Variants in IQGAP2 observed in about 807,000 individuals in gnomAD.
The protein encoded by IQGAP2 is IQ motif containing GTPase activating protein 2.
IQGAP2 carries 173 observed loss-of-function variants against 201.3 expected under a neutral mutation model. The ratio of observed to expected loss-of-function variants is 0.86; its 90% CI spans 0.76 to 0.98. The LOEUF is 0.98. Ranked by LOEUF, IQGAP2 falls within the 50% of genes least tolerant of loss-of-function variation. The probability of loss-of-function intolerance (pLI) is 0.00; values close to 1 mark genes in which losing one functional copy is unlikely to be tolerated. For missense variants in IQGAP2, 1,687 were observed against 1,864.8 expected, an observed-to-expected ratio of 0.90 and a Z score of 1.76; for synonymous variants, 675 against 673.9, an observed-to-expected ratio of 1.00 and a Z score of -0.03.
At chr5:76,593,467 G>A (rs1222259858) in intron 9 of IQGAP2, among the ~76,000 whole-genome samples, 1 of 152,110 alleles carries the variant, frequency 6.6e-6, no homozygotes, top group East Asian at 1.9e-4. Flanking sequence ...AGCCTCTGTG[G>A]AGTCAAGCAG....
At chr5:76,543,413 A>G (rs1226484684) in intron 2 of IQGAP2, among the ~76,000 whole-genome samples, 2 of 152,196 alleles carry the variant, frequency 1.3e-5, no homozygotes, top group African/African-American at 2.4e-5. Flanking sequence ...GGAGGGACGT[A>G]AATGTGCAAG....
At chr5:76,410,337 A>T (rs1751041210) in intron 1 of IQGAP2, among the ~76,000 whole-genome samples, 1 of 152,158 alleles carries the variant, frequency 6.6e-6, no homozygotes, top group Admixed American at 6.6e-5. Context: ...GGACAATTGG[A>T]GCTGTCCTGA....
intron 15 of IQGAP2, among the ~76,000 whole-genome samples, chr5:76,632,654 T>C (rs926083523): frequency 6.6e-6 from 1 of 152,176 alleles, no homozygotes; most frequent in African/African-American, 2.4e-5. Context: ...CTTTAGTAGA[T>C]TTTTATTAAG....
In IQGAP2 at chr5:76,617,609, AT is replaced by A. The variant is rs1161780070; in HGVS notation, c.1521+6429del. ...ATTTTGTAAGGTAAGCAGTGGAGTG[AT>A]TTCTGGTTTTTGACATGAGAAAATA... On this transcript the variant is annotated intron_variant, in intron 13 of 35. Transcript: ENST00000274364. 4 of 1,613,202 alleles carry A rather than the reference AT, an allele frequency of 2.5e-6. No homozygotes were observed. The Admixed American group carries it at 6.7e-5, about 27-fold the overall frequency.
chr5:76,413,204 T>G (rs1272242424), intron 1 of IQGAP2, among the ~76,000 whole-genome samples: 1 of 137,004 alleles, frequency 7.3e-6, no homozygotes, highest in Non-Finnish European at 1.5e-5. Context: ...AGTCTCACTG[T>G]GTCGCCTAGG....
At chr5:76,471,090 G>A (rs1324341228) in intron 2 of IQGAP2, among the ~76,000 whole-genome samples, 1 of 152,104 alleles carries the variant, frequency 6.6e-6, no homozygotes, top group Admixed American at 6.5e-5. Flanking sequence ...AAAAATGTAC[G>A]ATGGAGAATT....
intron 2 of IQGAP2, among the ~76,000 whole-genome samples, chr5:76,482,972 A>C (rs1394556222): frequency 6.6e-6 from 1 of 152,194 alleles, no homozygotes; most frequent in Non-Finnish European, 1.5e-5. Flanking sequence ...CAGCATTATG[A>C]TGTGAAAAGC....
At chr5:76,593,355 G>A (rs1416960989) in intron 9 of IQGAP2, among the ~76,000 whole-genome samples, 2 of 152,110 alleles carry the variant, frequency 1.3e-5, no homozygotes, top group Non-Finnish European at 2.9e-5. Flanking sequence ...TCTGTTGTTT[G>A]TAAGATTTTT....
At chr5:76,534,532 T>A (rs554681615) in intron 2 of IQGAP2, among the ~76,000 whole-genome samples, 31 of 152,246 alleles carry the variant, frequency 2.0e-4, no homozygotes, top group Non-Finnish European at 4.3e-4. Flanking sequence ...TTTATCAGAT[T>A]TAATAGTTAA....
intron 10 of IQGAP2, among the ~76,000 whole-genome samples, chr5:76,600,579 T>C (rs1747361907): frequency 6.6e-6 from 1 of 152,180 alleles, no homozygotes; most frequent in Non-Finnish European, 1.5e-5. Flanking sequence ...TGTGGAATCG[T>C]AACTTTTCAT....
At chr5:76,526,239 C>T (rs987574645) in intron 2 of IQGAP2, among the ~76,000 whole-genome samples, 2 of 152,226 alleles carry the variant, frequency 1.3e-5, no homozygotes, top group Admixed American at 6.5e-5. Flanking sequence ...CCTAGCCTCA[C>T]TCTTTGTGTA....
intron 10 of IQGAP2, among the ~76,000 whole-genome samples, chr5:76,599,275 G>A (rs996468270): frequency 1.1e-4 from 17 of 152,066 alleles, no homozygotes; most frequent in Non-Finnish European, 2.1e-4. Context: ...TATAGTATTT[G>A]TAATAAAAGA....
intron 31 of IQGAP2, 91 bp downstream of exon 31, chr5:76,693,533 T>C: frequency 1.2e-6 from 1 of 851,710 alleles, no homozygotes. Context: ...TCAGAGAAAC[T>C]GTATCTGACA....
chr5:76,697,105 A>G (rs962603722), intron 32 of IQGAP2, among the ~76,000 whole-genome samples: 6 of 152,260 alleles, frequency 3.9e-5, no homozygotes, highest in Non-Finnish European at 8.8e-5. Flanking sequence ...TAAATTTAGC[A>G]TAGCTCTTGT....
intron 8 of IQGAP2, among the ~76,000 whole-genome samples, chr5:76,592,108 T>G (rs562845733): frequency 6.6e-6 from 1 of 152,172 alleles, no homozygotes; most frequent in Non-Finnish European, 1.5e-5. Context: ...CTCCTGTTAC[T>G]CTCTAAGCCA....
chr5:76,554,985 T>A (rs1162628276), intron 2 of IQGAP2, among the ~76,000 whole-genome samples: 2 of 152,114 alleles, frequency 1.3e-5, no homozygotes, highest in African/African-American at 4.8e-5. Context: ...GAAAAAGATA[T>A]GAAGTCCAGA....
chr5:76,494,123 G>C (rs1375434385), intron 2 of IQGAP2, among the ~76,000 whole-genome samples: 1 of 151,914 alleles, frequency 6.6e-6, no homozygotes, highest in Non-Finnish European at 1.5e-5. Flanking sequence ...TGTTAGTTTT[G>C]ATCTGCAGTT....
chr5:76,559,765 T>C (rs186176610), intron 2 of IQGAP2, among the ~76,000 whole-genome samples: 1 of 152,210 alleles, frequency 6.6e-6, no homozygotes, highest in East Asian at 1.9e-4. Context: ...CAGGTCTGCG[T>C]GGGTTTTCTC....
chr5:76,506,365 C>G (rs903679299), intron 2 of IQGAP2, among the ~76,000 whole-genome samples: 2 of 152,182 alleles, frequency 1.3e-5, no homozygotes, highest in Non-Finnish European at 2.9e-5. Context: ...AATGTAAGCA[C>G]TTAATGGGCA....
Sources: allele counts gnomAD v4.1 joint callset (sites outside exome capture counted in the v4.1 genomes callset), GRCh38; gene constraint gnomAD v4.1.1; transcripts MANE v1.5; gene names NCBI Gene and HGNC (gene_info 2026-07-23, HGNC 2026-07-21).